The following RGL1 variants were observed in gnomAD, a reference collection of about 807,000 sequenced individuals.
RGL1 encodes the protein ral guanine nucleotide dissociation stimulator like 1.
Under a neutral mutation model 95.2 loss-of-function variants are expected in RGL1, and 24 were observed. The observed-to-expected ratio is 0.25, with a 90% CI of 0.18 to 0.35. The LOEUF is 0.35. Ranked by LOEUF, RGL1 falls within the 10% of genes least tolerant of loss-of-function variation. The pLI is 1.00. For synonymous variants in RGL1, 329 were observed against 344.9 expected (o/e 0.95, Z 0.51); for missense variants, 715 against 936.3 (o/e 0.76, Z 3.08).
chr1:183,666,893 T>C (rs1351920480), intron 1 of RGL1, among the ~76,000 whole-genome samples: 3 of 152,214 alleles, frequency 2.0e-5, no homozygotes, highest in African/African-American at 4.8e-5. Context: ...GTTCAGCTAT[T>C]TCCTTACTGA....
intron 3 of RGL1, among the ~76,000 whole-genome samples, chr1:183,854,279 G>C (rs2102557707): frequency 6.6e-6 from 1 of 152,316 alleles, no homozygotes; most frequent in Non-Finnish European, 1.5e-5. Context: ...CTTTGTCTGT[G>C]TGTTTGGAGT....
chr1:183,671,179 A>G (rs1652426294), intron 1 of RGL1, among the ~76,000 whole-genome samples: 1 of 152,184 alleles, frequency 6.6e-6, no homozygotes, highest in Non-Finnish European at 1.5e-5. Flanking sequence ...CCCATGATTC[A>G]GTTACCTCCA....
intron 1 of RGL1, among the ~76,000 whole-genome samples, chr1:183,706,817 C>G (rs532348749): frequency 5.3e-5 from 8 of 152,176 alleles, no homozygotes; most frequent in Non-Finnish European, 8.8e-5. Context: ...ACTTTGAAGG[C>G]TAAATTAAGA....
intron 3 of RGL1, among the ~76,000 whole-genome samples, chr1:183,862,970 A>G (rs550336074): frequency 6.6e-6 from 1 of 152,240 alleles, no homozygotes; most frequent in African/African-American, 2.4e-5. Flanking sequence ...CTGATGTTAC[A>G]GTTGGTTTGT....
chr1:183,753,125 C>T (rs1558188720), intron 2 of RGL1, among the ~76,000 whole-genome samples: 1 of 152,272 alleles, frequency 6.6e-6, no homozygotes, highest in South Asian at 2.1e-4. Flanking sequence ...TTCTCTCACT[C>T]TCTGCTTATG....
Position 183,698,193 on chromosome 1 carries a change from CAG to C in RGL1, c.-32-43929_-32-43928del, listed in dbSNP as rs1654362641. 2.0e-5 allele frequency among the ~76,000 whole-genome samples: 3 copies of C among 152,216 alleles called. No individual in the cohort carries two copies. The South Asian group carries it at 6.2e-4, about 32-fold the overall frequency. ...AGGCCAAATCCTGGCTTTCCACTGA[CAG>C]AGAACCAATTTGTTAAACATTGACC... On this transcript the variant is annotated intron_variant, in intron 1 of 18. Transcript: ENST00000304685.
intron 4 of RGL1, among the ~76,000 whole-genome samples, chr1:183,878,662 T>C (rs1305922813): frequency 6.6e-6 from 1 of 152,228 alleles, no homozygotes; most frequent in Non-Finnish European, 1.5e-5. Flanking sequence ...TTTTTTGCAA[T>C]AAATAATGAG....
upstream of RGL1, among the ~76,000 whole-genome samples, chr1:183,800,684 C>T (rs1353486702): frequency 7.2e-5 from 11 of 152,168 alleles, no homozygotes; most frequent in South Asian, 4.1e-4. Flanking sequence ...CCCAGGCAAT[C>T]ACCATTCTAC....
At chr1:183,813,404 A>T (rs1261224534) in intron 2 of RGL1, among the ~76,000 whole-genome samples, 1 of 152,250 alleles carries the variant, frequency 6.6e-6, no homozygotes, top group Non-Finnish European at 1.5e-5. Context: ...CTGATGTGTC[A>T]TGTCTAGAGA....
intron 1 of RGL1, among the ~76,000 whole-genome samples, chr1:183,659,245 G>A (rs6688810): frequency 0.063 from 9,637 of 152,126 alleles, 510 homozygotes; most frequent in African/African-American, 0.14. Flanking sequence ...GGCTTCAGAC[G>A]ATCAAACTAC....
intron 2 of RGL1, among the ~76,000 whole-genome samples, chr1:183,746,168 G>A (rs1444813371): frequency 4.6e-5 from 7 of 152,002 alleles, no homozygotes; most frequent in Non-Finnish European, 8.8e-5. Context: ...AGTTTGTTGA[G>A]TCTATATGTG....
chr1:183,904,152 C>G (rs1668184403), intron 12 of RGL1, among the ~76,000 whole-genome samples: 1 of 152,162 alleles, frequency 6.6e-6, no homozygotes. Flanking sequence ...AAAGCTTATA[C>G]CCATTGCTGA....
At chr1:183,853,001 G>A (rs1254553919) in intron 3 of RGL1, among the ~76,000 whole-genome samples, 1 of 152,098 alleles carries the variant, frequency 6.6e-6, no homozygotes, top group Non-Finnish European at 1.5e-5. Context: ...GCCATTTCTT[G>A]AACATTCTCT....
chr1:183,847,437 A>G, intron 2 of RGL1, 129 bp from the exon 3 acceptor site: 1 of 837,760 alleles, frequency 1.2e-6, no homozygotes, highest in Non-Finnish European at 1.9e-6. Flanking sequence ...CCTGGGTAAC[A>G]AAAGGGATAA....
At chr1:183,886,251 G>A (rs771370300) in intron 7 of RGL1, among the ~76,000 whole-genome samples, 5 of 152,254 alleles carry the variant, frequency 3.3e-5, no homozygotes, top group Non-Finnish European at 5.9e-5. Flanking sequence ...ATGAAAGTCA[G>A]CAAGAAACAA....
chr1:183,794,216 T>A (rs973977289), intron 2 of RGL1, among the ~76,000 whole-genome samples: 1 of 152,088 alleles, frequency 6.6e-6, no homozygotes. Context: ...ATGTTCTCAC[T>A]CATGTGGGAG....
chr1:183,888,702 CAGGCAGGGTGCA>C, intron 8 of RGL1, 125 bp downstream of exon 8: 1 of 642,762 alleles, frequency 1.6e-6, no homozygotes, highest in Non-Finnish European at 2.8e-6. Context: ...CTGTGTGTTT[CAGGCAGGGTGCA>C]TCTTACACAT....
In RGL1 at chr1:183,846,505, C is replaced by T. The variant is rs182277498; in HGVS notation, c.139-1061C>T. Among the ~76,000 whole-genome samples the T allele has an allele frequency of 1.5e-4, 23 of 151,456 alleles. No homozygotes were observed. The East Asian group carries it at 3.1e-3, about 20-fold the overall frequency. ...GGCATGTGTATACCTATGTAACAAA[C>T]CTGCATATGTATCCCAGCACTTAAA... On this transcript the variant is annotated intron_variant, in intron 2 of 17. Transcript: ENST00000360851.
intron 2 of RGL1, among the ~76,000 whole-genome samples, chr1:183,830,013 GTGT>G (rs1010236220): frequency 2.0e-5 from 3 of 152,062 alleles, no homozygotes; most frequent in Non-Finnish European, 4.4e-5. Context: ...GAGTGTGTCT[GTGT>G]TGTTCATTTC....
Sources: gnomAD v4.1 joint callset for allele counts (sites outside exome capture counted in the v4.1 genomes callset) on GRCh38, gnomAD v4.1.1 for gene constraint, MANE v1.5 for transcripts, NCBI Gene and HGNC (gene_info 2026-07-23, HGNC 2026-07-21) for gene names.